The following BRD10 variants were observed in gnomAD, a reference collection of about 807,000 sequenced individuals.
The protein encoded by BRD10 is uncharacterized bromodomain-containing protein 10.
chr9:5,879,732 C>G, the BRD10 span, among the ~76,000 whole-genome samples: 3 of 152,180 alleles, frequency 2.0e-5, no homozygotes, highest in East Asian at 5.8e-4. Flanking sequence ...GATACAGAAC[C>G]AGATAATCTG....
At chr9:5,944,941 T>C in the BRD10 span, 2 of 1,532,126 alleles carry the variant, frequency 1.3e-6, no homozygotes, top group Non-Finnish European at 1.8e-6. Flanking sequence ...CCTGAGTTCA[T>C]CAAGATTAGT....
the BRD10 span, chr9:5,954,207 A>C: frequency 1.1e-5 from 7 of 634,380 alleles, no homozygotes; most frequent in Non-Finnish European, 1.9e-5. Flanking sequence ...GATGGCTGCT[A>C]GTGAGTCAAA....
At chr9:5,951,895 G>C in the BRD10 span, among the ~76,000 whole-genome samples, 3 of 152,042 alleles carry the variant, frequency 2.0e-5, no homozygotes, top group African/African-American at 7.2e-5. Flanking sequence ...CTAGGCATAA[G>C]AACCACTGTT....
the BRD10 span, among the ~76,000 whole-genome samples, chr9:5,977,959 G>C: frequency 6.6e-6 from 1 of 152,226 alleles, no homozygotes; most frequent in Non-Finnish European, 1.5e-5. Flanking sequence ...AGATAAAGCA[G>C]TGCATGTTTC....
chr9:6,005,416 T>C, the BRD10 span, among the ~76,000 whole-genome samples: 1 of 152,046 alleles, frequency 6.6e-6, no homozygotes, highest in Non-Finnish European at 1.5e-5. Flanking sequence ...GAGGCACGAG[T>C]ATCGCTTGAA....
chr9:5,947,947 G>A, the BRD10 span, among the ~76,000 whole-genome samples: 17 of 152,064 alleles, frequency 1.1e-4, no homozygotes, highest in East Asian at 3.9e-4. Context: ...GGGTGAACAC[G>A]AAACTCCATA....
At chr9:5,978,891 C>G in the BRD10 span, among the ~76,000 whole-genome samples, 2 of 152,292 alleles carry the variant, frequency 1.3e-5, no homozygotes, top group Non-Finnish European at 2.9e-5. Flanking sequence ...TGCTCATATA[C>G]CTCTACCTTA....
the BRD10 span, chr9:5,921,320 A>G: frequency 6.2e-7 from 1 of 1,613,886 alleles, no homozygotes; most frequent in Non-Finnish European, 8.5e-7. Context: ...ATTTATTTTT[A>G]TTGGTGTGCC....
At chr9:6,007,816 G>A in the BRD10 span, 8 of 1,436,076 alleles carry the variant, frequency 5.6e-6, no homozygotes, top group Non-Finnish European at 7.2e-6. Context: ...TGGGCGGTGT[G>A]GAACAGCCGC....
the BRD10 span, among the ~76,000 whole-genome samples, chr9:5,953,110 T>A: frequency 6.6e-6 from 1 of 152,134 alleles, no homozygotes; most frequent in Non-Finnish European, 1.5e-5. Flanking sequence ...AATGAATGTG[T>A]CCACATTTTT....
At chr9:5,993,193 T>C in the BRD10 span, among the ~76,000 whole-genome samples, 1 of 151,550 alleles carries the variant, frequency 6.6e-6, no homozygotes, top group Non-Finnish European at 1.5e-5. Flanking sequence ...CATGCGTCTG[T>C]AGTCCCAGCT....
chr9:5,907,509 T>A, the BRD10 span, among the ~76,000 whole-genome samples: 5 of 152,220 alleles, frequency 3.3e-5, no homozygotes, highest in Non-Finnish European at 7.3e-5. Context: ...TTCAAAAATA[T>A]TAGTATGTAG....
the BRD10 span, among the ~76,000 whole-genome samples, chr9:5,939,118 G>A: frequency 6.1e-4 from 93 of 152,114 alleles, no homozygotes; most frequent in Admixed American, 1.5e-3. Flanking sequence ...ATTTTTTACA[G>A]GTGTTAGAAA....
the BRD10 span, among the ~76,000 whole-genome samples, chr9:5,943,173 G>A: frequency 1.3e-5 from 2 of 152,104 alleles, no homozygotes; most frequent in African/African-American, 2.4e-5. Context: ...CACTACGCCT[G>A]GCTGTGGTTT....
the BRD10 span, among the ~76,000 whole-genome samples, chr9:5,936,436 C>T: frequency 6.6e-6 from 1 of 152,178 alleles, no homozygotes; most frequent in Admixed American, 6.5e-5. Flanking sequence ...TAATTAAAAG[C>T]AGCTGCTACT....
chr9:5,922,961 T>C, the BRD10 span: 1 of 1,614,038 alleles, frequency 6.2e-7, no homozygotes. Context: ...CCCAATATTC[T>C]TTGCAAGCAA....
the BRD10 span, among the ~76,000 whole-genome samples, chr9:6,005,415 G>A: frequency 2.0e-5 from 3 of 152,346 alleles, no homozygotes; most frequent in Non-Finnish European, 4.4e-5. Context: ...TGAGGCACGA[G>A]TATCGCTTGA....
At chr9:5,916,784 C>A in the BRD10 span, among the ~76,000 whole-genome samples, 16 of 152,172 alleles carry the variant, frequency 1.1e-4, no homozygotes, top group Admixed American at 5.2e-4. Context: ...ACATGACTCT[C>A]CAGTATCATG....
chr9:5,983,196 C>T, the BRD10 span, among the ~76,000 whole-genome samples: 146,100 of 152,214 alleles, frequency 0.96, 70,424 homozygotes, highest in Non-Finnish European at 0.99. Flanking sequence ...AAGTCTTCAG[C>T]CACCACTTAG....
Sources: allele counts gnomAD v4.1 joint callset (sites outside exome capture counted in the v4.1 genomes callset), GRCh38; gene constraint gnomAD v4.1.1; transcripts MANE v1.5; gene names NCBI Gene and HGNC (gene_info 2026-07-23, HGNC 2026-07-21).